The following CADPS2 variants were observed in gnomAD, a reference collection of about 807,000 sequenced individuals.
CADPS2 encodes the protein calcium-dependent secretion activator 2.
Under a neutral mutation model 172.5 loss-of-function variants are expected in CADPS2, and 93 were observed. The observed-to-expected ratio is 0.54, with a 90% CI of 0.46 to 0.64. The LOEUF (loss-of-function observed/expected upper bound fraction) is 0.64. CADPS2 is among the 30% of genes least tolerant of loss of function. The pLI, the probability that CADPS2 is intolerant of heterozygous loss-of-function variation, is 0.00. For synonymous variants in CADPS2, 546 were observed against 555.2 expected, an observed-to-expected ratio of 0.98 and a Z score of 0.23; for missense variants, 1,420 against 1,565.9, an observed-to-expected ratio of 0.91 and a Z score of 1.57.
At chr7:122,537,686 A>T (rs1224982958) in intron 8 of CADPS2, among the ~76,000 whole-genome samples, 1 of 151,880 alleles carries the variant, frequency 6.6e-6, no homozygotes. Context: ...AATCCTAGGG[A>T]AATAGAAGAA....
chr7:122,499,770 C>T (rs1254372569), intron 9 of CADPS2, among the ~76,000 whole-genome samples: 1 of 152,134 alleles, frequency 6.6e-6, no homozygotes, highest in East Asian at 1.9e-4. Flanking sequence ...AATTATTCAA[C>T]ACCAGGGGAC....
In CADPS2 at chr7:122,629,239, A is replaced by G; in HGVS notation, c.867+9T>C. 6.2e-7 allele frequency: 1 copy of G among 1,603,608 alleles called. No individual in the cohort carries two copies. The highest frequency in any genetic ancestry group is 8.5e-7 in the Non-Finnish European group (1 of 1,173,878). On this transcript the variant is annotated intron_variant, in intron 4 of 29. Coordinates refer to ENST00000449022, the MANE Select transcript of CADPS2 (RefSeq NM_017954.11). ...AATGTCATACAGTATGTCCAAGTTA[A>G]TAATTTACCTTTGCCATTTTATCTG...
chr7:122,651,641 AG>A (rs1290076589), intron 3 of CADPS2, among the ~76,000 whole-genome samples: 1 of 152,154 alleles, frequency 6.6e-6, no homozygotes, highest in African/African-American at 2.4e-5. Context: ...TTTGAGTGGG[AG>A]GAGGGATAAG....
chr7:122,396,604 T>A (rs1452116602), intron 20 of CADPS2, among the ~76,000 whole-genome samples: 1 of 152,226 alleles, frequency 6.6e-6, no homozygotes, highest in Non-Finnish European at 1.5e-5. Context: ...CTCATTTCTG[T>A]TGTCTTACCT....
intron 3 of CADPS2, among the ~76,000 whole-genome samples, chr7:122,645,480 T>C (rs1324288089): frequency 1.9e-5 from 2 of 105,318 alleles, no homozygotes; most frequent in African/African-American, 6.5e-5. Flanking sequence ...TATGTATATA[T>C]ATTTAGCGTA....
chr7:122,726,188 T>C (rs1343263310), intron 2 of CADPS2, among the ~76,000 whole-genome samples: 1 of 151,832 alleles, frequency 6.6e-6, no homozygotes, highest in African/African-American at 2.4e-5. Context: ...AAAATGAATA[T>C]TCTTGACAAC....
chr7:122,836,476 C>T (rs181921501), intron 1 of CADPS2, among the ~76,000 whole-genome samples: 1 of 152,286 alleles, frequency 6.6e-6, no homozygotes, highest in African/African-American at 2.4e-5. Context: ...TTAAATGACA[C>T]AGACTGGCAA....
chr7:122,754,808 A>G (rs565663248), intron 1 of CADPS2, among the ~76,000 whole-genome samples: 5 of 152,234 alleles, frequency 3.3e-5, no homozygotes, highest in Non-Finnish European at 5.9e-5. Context: ...TATGAATGTA[A>G]TAACACATAA....
intron 2 of CADPS2, among the ~76,000 whole-genome samples, chr7:122,705,878 T>TAATA (rs1320092787): frequency 0.12 from 932 of 7,506 alleles, 352 homozygotes; most frequent in African/African-American, 0.23. Context: ...ATATATAATA[T>TAATA]AATATAATAA....
At chr7:122,398,712 CA>C (rs55994025) in intron 20 of CADPS2, among the ~76,000 whole-genome samples, 46,543 of 150,082 alleles carry the variant, frequency 0.31, 7,284 homozygotes, top group East Asian at 0.41. Context: ...CAGTCTAGAA[CA>C]GCATTATGTA....
intron 2 of CADPS2, among the ~76,000 whole-genome samples, chr7:122,721,959 G>A (rs1017311216): frequency 4.6e-5 from 7 of 152,196 alleles, no homozygotes; most frequent in African/African-American, 7.2e-5. Flanking sequence ...TATCTCAACA[G>A]ATGCAGAAAA....
chr7:122,404,897 G>C (rs1051339689), intron 20 of CADPS2, among the ~76,000 whole-genome samples: 1 of 151,660 alleles, frequency 6.6e-6, no homozygotes, highest in South Asian at 2.1e-4. Context: ...AGGCCGAGGT[G>C]GGGGGATCAG....
At chr7:122,475,605 T>G (rs1010947618) in intron 12 of CADPS2, among the ~76,000 whole-genome samples, 3 of 152,206 alleles carry the variant, frequency 2.0e-5, no homozygotes, top group African/African-American at 4.8e-5. Flanking sequence ...GTGGACATGA[T>G]GCTAACATAA....
At chr7:122,483,851 C>A (rs2057542798) in intron 11 of CADPS2, among the ~76,000 whole-genome samples, 2 of 151,934 alleles carry the variant, frequency 1.3e-5, no homozygotes, top group Non-Finnish European at 1.5e-5. Flanking sequence ...ATAAAAAATT[C>A]CATTTACTAA....
At chr7:122,652,161 T>C (rs1419004016) in intron 3 of CADPS2, among the ~76,000 whole-genome samples, 3 of 152,194 alleles carry the variant, frequency 2.0e-5, no homozygotes, top group Non-Finnish European at 4.4e-5. Context: ...AGCATTTTTT[T>C]CTATAAACCT....
intron 25 of CADPS2, among the ~76,000 whole-genome samples, chr7:122,374,411 A>G (rs1034516998): frequency 6.8e-6 from 1 of 146,972 alleles, no homozygotes; most frequent in Non-Finnish European, 1.5e-5. Context: ...AAGTAGACAA[A>G]TAAAATAAAA....
intron 8 of CADPS2, among the ~76,000 whole-genome samples, chr7:122,539,655 T>G (rs1201694697): frequency 3.3e-5 from 5 of 152,046 alleles, no homozygotes; most frequent in Non-Finnish European, 5.9e-5. Flanking sequence ...ACCAATGTAA[T>G]TGTGTACCAG....
Position 122,508,428 on chromosome 7 carries a change from G to A in CADPS2, c.1542+4821C>T, listed in dbSNP as rs543537399. ...ACATAAACTTATAATATAGAATCCA[G>A]TTATTTATTTATTCATTTAAGTTTT... On this transcript the variant is annotated intron_variant, in intron 9 of 29. Transcript: ENST00000449022. Among the ~76,000 whole-genome samples the A allele has an allele frequency of 2.8e-3, 308 of 111,588 alleles. 1 individual carries two copies. The highest frequency in any genetic ancestry group is 9.5e-3 in the African/African-American group (297 of 31,210). 73.2% of individuals were successfully genotyped at this position (111,588 alleles called of 152,430 possible).
At chr7:122,490,360 G>A (rs945038319) in intron 10 of CADPS2, 79 bp from the exon 11 acceptor site, 1 of 1,047,222 alleles carries the variant, frequency 9.5e-7, no homozygotes, top group Non-Finnish European at 1.5e-6. Flanking sequence ...CTGACCTCAT[G>A]GAAAAGAATG....
Sources: allele counts gnomAD v4.1 joint callset (sites outside exome capture counted in the v4.1 genomes callset), GRCh38; gene constraint gnomAD v4.1.1; transcripts MANE v1.5; gene names NCBI Gene and HGNC (gene_info 2026-07-23, HGNC 2026-07-21).